The following UTP20 variants were observed in gnomAD, a reference collection of about 807,000 sequenced individuals.
UTP20 encodes the protein small subunit processome component 20 homolog.
UTP20 carries 164 observed loss-of-function variants against 329.5 expected under a neutral mutation model. That is an observed-to-expected ratio of 0.50 (90% CI 0.44 to 0.57). UTP20 has a LOEUF of 0.57. Ranked by LOEUF, UTP20 falls within the 20% of genes least tolerant of loss-of-function variation. The pLI, the probability that UTP20 is intolerant of heterozygous loss-of-function variation, is 0.00. For missense variants in UTP20, 3,055 were observed against 3,284.2 expected, an observed-to-expected ratio of 0.93 and a Z score of 1.71; for synonymous variants, 1,151 against 1,159.3, an observed-to-expected ratio of 0.99 and a Z score of 0.14.
chr12:101,285,368 A>G (rs1243520199), intron 2 of UTP20, among the ~76,000 whole-genome samples: 1 of 152,170 alleles, frequency 6.6e-6, no homozygotes, highest in Non-Finnish European at 1.5e-5. Flanking sequence ...CAAATCAACA[A>G]AACAGCATTT....
chr12:101,382,807 T>A lies in UTP20; in HGVS notation c.7657-234T>A, dbSNP rs546456927. On this transcript the variant is annotated intron_variant, in intron 58 of 61. Transcript: ENST00000261637. ...GGGGGATGTCACAGTGAGCCGAGAT[T>A]GCACCACTGCCCTCAGCCTGGGTAA... Among the ~76,000 whole-genome samples the A allele has an allele frequency of 3.3e-5, 5 of 151,260 alleles. No homozygotes were observed. The East Asian group carries it at 9.8e-4, about 30-fold the overall frequency.
intron 40 of UTP20, 116 bp from the exon 41 acceptor site, chr12:101,354,716 G>A (rs1440512288): frequency 8.8e-7 from 1 of 1,137,030 alleles, no homozygotes; most frequent in African/African-American, 1.5e-5. Flanking sequence ...CCTGCCCACA[G>A]TTGCTGATTA....
Position 101,369,254 on chromosome 12 carries a change from T to G in UTP20, c.6385-467T>G, listed in dbSNP as rs559643692. Among the ~76,000 whole-genome samples, 412 of 152,268 alleles carry G rather than the reference T, an allele frequency of 2.7e-3. 3 individuals carry two copies. Among genetic ancestry groups the G allele is most frequent in the Non-Finnish European group, 4.5e-3 (304 of 68,016 alleles). On this transcript the variant is annotated intron_variant, in intron 48 of 61. Transcript: ENST00000261637. ...AAACAGAAAAGTCATTTAAGATGTA[T>G]TTTTCCAAAAAAATTGTAAAATTGA...
chr12:101,323,308 C>T (rs540778437), intron 25 of UTP20, among the ~76,000 whole-genome samples: 11 of 152,090 alleles, frequency 7.2e-5, no homozygotes, highest in East Asian at 1.9e-4. Flanking sequence ...AAATCTTATT[C>T]GATTGATGGA....
intron 45 of UTP20, among the ~76,000 whole-genome samples, chr12:101,364,012 A>G (rs1870015733): frequency 6.6e-6 from 1 of 152,212 alleles, no homozygotes; most frequent in East Asian, 1.9e-4. Context: ...AAGAACATGA[A>G]GAAATCCAGA....
Position 101,327,203 on chromosome 12 carries a change from TA to T in UTP20, c.3165del (p.Phe1056SerfsTer2). On this transcript the variant is annotated frameshift_variant, in exon 26 of 62. Transcript: ENST00000261637. LOFTEE classifies it high-confidence loss of function. Reference protein sequence around the residue: ...LAGTQPEEIQIFLDLLFEPVR... With the variant: ...LAGTQPEEIQXFLDLLFEPVR... Reference sequence around the variant, plus strand: ...GGGACCCAACCTGAGGAGATCCAGATATTCTTAGACCTGCTGTTTGAACCTG... The same window carrying T: ...GGGACCCAACCTGAGGAGATCCAGATTTCTTAGACCTGCTGTTTGAACCTG... The T allele has an allele frequency of 6.2e-7, 1 of 1,611,534 alleles. No individual in the cohort carries two copies. Among genetic ancestry groups the T allele is most frequent in the Non-Finnish European group, 8.5e-7 (1 of 1,177,856 alleles).
At chr12:101,363,506 T>G in intron 44 of UTP20, 70 bp from the exon 45 acceptor site, 1 of 1,431,940 alleles carries the variant, frequency 7.0e-7, no homozygotes, top group Non-Finnish European at 9.4e-7. Context: ...GGGCCTTTTT[T>G]CAGTGACTGC....
chr12:101,326,529 A>ATGTG (rs759204577), intron 25 of UTP20, among the ~76,000 whole-genome samples: 2 of 92,796 alleles, frequency 2.2e-5, no homozygotes, highest in African/African-American at 1.6e-4. Context: ...ATTTATATTT[A>ATGTG]TGTGTTTTCC....
Position 101,319,529 on chromosome 12 carries a change from T to C in UTP20, c.2739-16T>C. ...TTCTTTAATTCTGTAACACTCTCTG[T>C]TTTGTTTTTGTTTAGGCAATTAATT... On this transcript the variant is annotated splice_polypyrimidine_tract_variant and intron_variant, in intron 22 of 61. Coordinates refer to ENST00000261637, the MANE Select transcript of UTP20 (RefSeq NM_014503.3). 1 of 1,574,748 alleles carries C rather than the reference T, an allele frequency of 6.4e-7. No individual in the cohort carries two copies. The highest frequency in any genetic ancestry group is 8.6e-7 in the Non-Finnish European group (1 of 1,159,974).
chr12:101,286,479 T>C lies in UTP20; in HGVS notation c.485T>C (p.Leu162Pro), dbSNP rs1871965408. The C allele has an allele frequency of 6.2e-7, 1 of 1,613,026 alleles. No homozygotes were observed. Residue 162 changes from leucine (L) to proline (P), a missense_variant, in exon 5 of 62, where the codon CTG becomes CCG. Coordinates refer to ENST00000261637, the MANE Select transcript of UTP20 (RefSeq NM_014503.3). The part of the protein sequence containing the change: ...LSYLYKYLWR[L>P]MVKDMSSIYS... ...TATCTTTATAAGTACCTGTGGAGAC[T>C]GATGGTGAAGGACATGTCCAGTATA...
At chr12:101,295,414 G>T in intron 11 of UTP20, 66 bp from the exon 12 acceptor site, 1 of 1,407,108 alleles carries the variant, frequency 7.1e-7, no homozygotes, top group South Asian at 1.5e-5. Flanking sequence ...CTAGTTTTTT[G>T]AATTGTTAGC....
chr12:101,300,082 GTTCTC>G lies in UTP20; in HGVS notation c.1675+31_1675+35del, dbSNP rs1233898963. 5.6e-6 allele frequency: 9 copies of G among 1,604,804 alleles called. No homozygotes were observed. In the African/African-American group the frequency reaches 6.7e-5, roughly 12 times the overall value. On this transcript the variant is annotated intron_variant, in intron 14 of 61. Coordinates refer to ENST00000261637, the MANE Select transcript of UTP20 (RefSeq NM_014503.3). ...GAAAGGTCAGTTACAATCATCATGTGTTCTCTTCTCTTCTTTTCTGGCACACTCAA... is the reference window on the plus strand; with the variant it reads ...GAAAGGTCAGTTACAATCATCATGTGTTCTCTTCTTTTCTGGCACACTCAA...
intron 12 of UTP20, among the ~76,000 whole-genome samples, chr12:101,297,577 T>C (rs977297325): frequency 1.3e-5 from 2 of 152,238 alleles, no homozygotes; most frequent in African/African-American, 4.8e-5. Flanking sequence ...TATTAAAATA[T>C]GCCAACAGAA....
chr12:101,321,457 A>C, intron 24 of UTP20, 47 bp from the exon 25 acceptor site: 2 of 1,605,580 alleles, frequency 1.2e-6, no homozygotes, highest in Non-Finnish European at 1.7e-6. Flanking sequence ...ATTATTCAAA[A>C]GCACTGTTGA....
intron 35 of UTP20, among the ~76,000 whole-genome samples, chr12:101,343,411 A>G (rs902649093): frequency 6.6e-6 from 1 of 152,178 alleles, no homozygotes; most frequent in South Asian, 2.1e-4. Context: ...ATGGGGCGTG[A>G]TTTCTAATGG....
chr12:101,370,166 A>G (rs1342258516), intron 49 of UTP20, among the ~76,000 whole-genome samples: 1 of 152,138 alleles, frequency 6.6e-6, no homozygotes. Context: ...GCAGTGAGCT[A>G]TGATCACATC....
chr12:101,364,246 T>TA (rs1458890434), intron 45 of UTP20, among the ~76,000 whole-genome samples: 1 of 152,174 alleles, frequency 6.6e-6, no homozygotes, highest in Non-Finnish European at 1.5e-5. Flanking sequence ...TGTCTCTATT[T>TA]AAAAATGTAT....
At chr12:101,355,201 T>G in intron 41 of UTP20, 83 bp downstream of exon 41, 1 of 1,452,038 alleles carries the variant, frequency 6.9e-7, no homozygotes, top group South Asian at 1.4e-5. Context: ...TCTTGGTGAT[T>G]ATTGATTGAT....
intron 24 of UTP20, 39 bp from the exon 25 acceptor site, chr12:101,321,465 T>TTA (rs748960571): frequency 1.1e-5 from 17 of 1,607,848 alleles, no homozygotes; most frequent in Non-Finnish European, 1.4e-5. Flanking sequence ...AAAGCACTGT[T>TTA]GATAAAGTGG....
Sources: gnomAD v4.1 joint callset for allele counts (sites outside exome capture counted in the v4.1 genomes callset) on GRCh38, gnomAD v4.1.1 for gene constraint, MANE v1.5 for transcripts, NCBI Gene and HGNC (gene_info 2026-07-23, HGNC 2026-07-21) for gene names.